Variants in LHFPL7 observed in about 807,000 individuals in gnomAD.
LHFPL7 encodes LHFPL tetraspan subfamily member 7 protein.
At chr22:24,936,128 C>T in the LHFPL7 span, among the ~76,000 whole-genome samples, 4 of 152,114 alleles carry the variant, frequency 2.6e-5, no homozygotes, top group Admixed American at 6.5e-5. Flanking sequence ...CTCAACTACA[C>T]TTCCACCCTT....
At chr22:24,942,155 C>T in the LHFPL7 span, among the ~76,000 whole-genome samples, 5 of 151,802 alleles carry the variant, frequency 3.3e-5, no homozygotes, top group Non-Finnish European at 5.9e-5. Flanking sequence ...CCACCATGCC[C>T]GGCTAATTTT....
At chr22:24,939,043 C>T in the LHFPL7 span, among the ~76,000 whole-genome samples, 1 of 152,314 alleles carries the variant, frequency 6.6e-6, no homozygotes, top group African/African-American at 2.4e-5. Flanking sequence ...AATCATCCTG[C>T]ATGTTTGTTA....
the LHFPL7 span, chr22:24,938,264 T>G: frequency 6.2e-7 from 1 of 1,613,654 alleles, no homozygotes; most frequent in Non-Finnish European, 8.5e-7. Context: ...GGAGCCAGCC[T>G]CCGAGGAGCA....
chr22:24,935,611 A>G, the LHFPL7 span: 3 of 1,604,002 alleles, frequency 1.9e-6, no homozygotes, highest in South Asian at 3.3e-5. Flanking sequence ...GATAGCAGGA[A>G]GGAAAGACAA....
At chr22:24,940,550 C>T in the LHFPL7 span, among the ~76,000 whole-genome samples, 57 of 151,218 alleles carry the variant, frequency 3.8e-4, no homozygotes, top group East Asian at 9.7e-3. Flanking sequence ...GAGCCGAGAT[C>T]GCACCACTGC....
the LHFPL7 span, among the ~76,000 whole-genome samples, chr22:24,940,362 G>A: frequency 2.7e-5 from 4 of 150,436 alleles, no homozygotes; most frequent in Admixed American, 2.6e-4. Context: ...GGGAGGCCGA[G>A]GCGGGTGGAT....
the LHFPL7 span, among the ~76,000 whole-genome samples, chr22:24,943,547 G>A: frequency 6.6e-6 from 1 of 152,042 alleles, no homozygotes; most frequent in African/African-American, 2.4e-5. Context: ...AAGCCTTATG[G>A]CCACCTGATG....
the LHFPL7 span, chr22:24,935,406 T>G: frequency 6.2e-7 from 1 of 1,614,088 alleles, no homozygotes; most frequent in Non-Finnish European, 8.5e-7. Context: ...CCCTTGGACC[T>G]TGGTTGTGTG....
At chr22:24,939,351 G>A in the LHFPL7 span, 1 of 702,998 alleles carries the variant, frequency 1.4e-6, no homozygotes, top group Non-Finnish European at 2.6e-6. Flanking sequence ...GGCAAAGTCA[G>A]GAATATCCTC....
At chr22:24,944,091 T>C in the LHFPL7 span, among the ~76,000 whole-genome samples, 2 of 152,108 alleles carry the variant, frequency 1.3e-5, no homozygotes, top group African/African-American at 4.8e-5. Context: ...CAACAAAATA[T>C]AGCAATATGT....
the LHFPL7 span, among the ~76,000 whole-genome samples, chr22:24,937,411 G>A: frequency 2.0e-3 from 301 of 152,316 alleles, 8 homozygotes; most frequent in East Asian, 0.046. Context: ...AGGTTGGTGA[G>A]GGACTGGGGA....
At chr22:24,935,369 G>A in the LHFPL7 span, 15 of 1,613,646 alleles carry the variant, frequency 9.3e-6, no homozygotes, top group Non-Finnish European at 1.2e-5. Context: ...TGATTCTCTC[G>A]GTGGCACTGG....
At chr22:24,942,447 G>A in the LHFPL7 span, among the ~76,000 whole-genome samples, 2 of 152,352 alleles carry the variant, frequency 1.3e-5, no homozygotes, top group Admixed American at 6.5e-5. Context: ...CCAGAAGGGT[G>A]AGCCTGCCCA....
the LHFPL7 span, among the ~76,000 whole-genome samples, chr22:24,942,187 G>A: frequency 0.14 from 20,782 of 151,370 alleles, 1,518 homozygotes; most frequent in South Asian, 0.27. Flanking sequence ...GTAGAGACGG[G>A]GTTTCACCCC....
At chr22:24,943,733 G>A in the LHFPL7 span, among the ~76,000 whole-genome samples, 4 of 152,118 alleles carry the variant, frequency 2.6e-5, no homozygotes, top group African/African-American at 4.8e-5. Flanking sequence ...CGAACCCAAC[G>A]GCTTACTAGA....
At chr22:24,942,135 T>C in the LHFPL7 span, among the ~76,000 whole-genome samples, 1 of 151,686 alleles carries the variant, frequency 6.6e-6, no homozygotes, top group Non-Finnish European at 1.5e-5. Flanking sequence ...AGCTGGGACA[T>C]AGGCGCCCGC....
the LHFPL7 span, among the ~76,000 whole-genome samples, chr22:24,941,755 C>T: frequency 6.6e-6 from 1 of 151,698 alleles, no homozygotes; most frequent in Non-Finnish European, 1.5e-5. Context: ...ACGTAACCTC[C>T]GACTCCCTGG....
At chr22:24,935,265 T>C in the LHFPL7 span, 1 of 1,543,514 alleles carries the variant, frequency 6.5e-7, no homozygotes, top group African/African-American at 1.4e-5. Flanking sequence ...AGATGGGATT[T>C]GAAGTTGGCT....
chr22:24,941,732 G>C, the LHFPL7 span, among the ~76,000 whole-genome samples: 21 of 150,622 alleles, frequency 1.4e-4, no homozygotes, highest in East Asian at 3.7e-3. Context: ...GTACAGTGGC[G>C]CGATCTCAGC....
Sources: gnomAD v4.1 joint callset for allele counts (sites outside exome capture counted in the v4.1 genomes callset) on GRCh38, gnomAD v4.1.1 for gene constraint, MANE v1.5 for transcripts, NCBI Gene and HGNC (gene_info 2026-07-23, HGNC 2026-07-21) for gene names.